NAA25: variants seen among roughly 807,000 people sequenced by gnomAD.
The protein encoded by NAA25 is N-terminal acetyltransferase B complex subunit NAA25.
A neutral mutation model predicts 132.5 loss-of-function variants in NAA25; 30 were observed. The observed-to-expected ratio is 0.23, with a 90% confidence interval of 0.17 to 0.31. The LOEUF (loss-of-function observed/expected upper bound fraction) is 0.31, where lower values mean the gene tolerates loss of function less well. Ranked by LOEUF, NAA25 falls within the 10% of genes least tolerant of loss-of-function variation. The pLI, the probability that NAA25 is intolerant of heterozygous loss-of-function variation, is 1.00. For synonymous variants in NAA25, 359 were observed against 401.9 expected (o/e 0.89, Z 1.28); for missense variants, 771 against 1,150.4 (o/e 0.67, Z 4.77).
rs2079162897 is a variant in NAA25 at position 112,093,250 on chromosome 12, A to G, written c.59-114T>C. 9 of 614,112 alleles carry G rather than the reference A, an allele frequency of 1.5e-5. No individual in the cohort carries two copies. In the Admixed American group the frequency reaches 2.1e-4, roughly 15 times the overall value. The allele number at this position is 614,112 out of a possible 1,614,324, so 38.0% of individuals were successfully genotyped here. A position where few individuals can be genotyped will look rare whatever the true frequency, so the allele number is the denominator to read the frequency against. Reference sequence around the variant, plus strand: ...AATATCTTAATTTGCTATATAAAACATCATGGAGGCCGGGCGTGGTGGCTT... The same window carrying G: ...AATATCTTAATTTGCTATATAAAACGTCATGGAGGCCGGGCGTGGTGGCTT... On this transcript the variant is annotated intron_variant, in intron 1 of 23. Transcript: ENST00000261745.
intron 1 of NAA25, among the ~76,000 whole-genome samples, chr12:112,102,967 C>T (rs917551682): frequency 6.6e-6 from 1 of 151,458 alleles, no homozygotes; most frequent in East Asian, 2.0e-4. Flanking sequence ...GGATTACAGG[C>T]GTGAGCCACT....
At chr12:112,043,505 C>A (rs924976583) in intron 18 of NAA25, 120 bp downstream of exon 18, 4 of 1,161,664 alleles carry the variant, frequency 3.4e-6, no homozygotes, top group Non-Finnish European at 4.8e-6. Context: ...CTTTCTCCTG[C>A]AGAAGCCATA....
chr12:112,029,484 T>C lies in NAA25; in HGVS notation c.*47A>G. The C allele has an allele frequency of 6.2e-7, 1 of 1,609,966 alleles. No homozygotes were observed. The highest frequency in any genetic ancestry group is 8.5e-7 in the Non-Finnish European group (1 of 1,177,836). ...ATGTTGCTTTTGCCTGGGAAGATGG[T>C]GTCATATTCTGTTGCAGAGTCATCA... On this transcript the variant is annotated 3_prime_UTR_variant, in exon 24 of 24. Coordinates refer to ENST00000261745, the MANE Select transcript of NAA25 (RefSeq NM_024953.4).
intron 23 of NAA25, among the ~76,000 whole-genome samples, chr12:112,030,525 A>G (rs962299992): frequency 1.3e-5 from 2 of 152,342 alleles, no homozygotes; most frequent in Admixed American, 6.5e-5. Context: ...CAAGAGACCA[A>G]CTATATATTC....
intron 4 of NAA25, among the ~76,000 whole-genome samples, chr12:112,084,021 T>C (rs1285722920): frequency 1.3e-5 from 2 of 152,244 alleles, no homozygotes; most frequent in Non-Finnish European, 2.9e-5. Flanking sequence ...AAAAATTTCA[T>C]GTCCATACCC....
chr12:112,035,487 AATC>A (rs2078212009), intron 22 of NAA25: 1 of 152,094 alleles, frequency 6.6e-6, no homozygotes. Context: ...TGATCAGTTA[AATC>A]ATCTTTGTCT....
rs2079116606 is a variant in NAA25, at chr12:112,090,730, G to A, written c.279C>T (p.His93=). Residue 93 remains histidine, a synonymous_variant, in exon 3 of 24, where the codon CAC becomes CAT. Transcript: ENST00000261745. ...QALTILYREM[H]RPELVTKLYE... is the part of the protein sequence containing the mutation. Reference sequence around the variant, plus strand: ...AATGAAAAGAAAGAAACATACGTCGGTGCATCTCCCGGTAAAGGATAGTCA... The same window carrying A: ...AATGAAAAGAAAGAAACATACGTCGATGCATCTCCCGGTAAAGGATAGTCA... 1 of 1,608,932 alleles carries A rather than the reference G, an allele frequency of 6.2e-7. No individual in the cohort carries two copies. The highest frequency in any genetic ancestry group is 1.1e-5 in the South Asian group (1 of 89,624).
At chr12:112,044,724 G>GAC (rs2078352959) in intron 17 of NAA25, among the ~76,000 whole-genome samples, 1 of 151,556 alleles carries the variant, frequency 6.6e-6, no homozygotes, top group Non-Finnish European at 1.5e-5. Flanking sequence ...CCTTATAAGT[G>GAC]ACACTTTGTT....
chr12:112,078,813 ATTGGGCACATAAT>A, intron 5 of NAA25, 72 bp from the exon 6 acceptor site: 16 of 1,180,490 alleles, frequency 1.4e-5, no homozygotes, highest in Non-Finnish European at 1.7e-5. Context: ...ATTACTGTTA[ATTGGGCACATAAT>A]TATCAATCCA....
At chr12:112,086,403 G>A (rs943263942) in intron 4 of NAA25, among the ~76,000 whole-genome samples, 2 of 151,814 alleles carry the variant, frequency 1.3e-5, no homozygotes, top group African/African-American at 4.8e-5. Flanking sequence ...GGCTGAGGCA[G>A]GAGAATCGCT....
chr12:112,068,101 T>C (rs746109377), intron 11 of NAA25, among the ~76,000 whole-genome samples: 6 of 152,074 alleles, frequency 3.9e-5, no homozygotes, highest in Non-Finnish European at 8.8e-5. Flanking sequence ...TGCAGCAGCA[T>C]GATTACAGCT....
chr12:112,108,695 G>T (rs375654598), intron 1 of NAA25, 21 bp downstream of exon 1: 3 of 1,458,582 alleles, frequency 2.1e-6, no homozygotes, highest in African/African-American at 2.9e-5. Flanking sequence ...GCTGGCGAGC[G>T]GGCTGGTCCA....
At chr12:112,069,561 C>T (rs2078771709) in intron 10 of NAA25, among the ~76,000 whole-genome samples, 2 of 152,066 alleles carry the variant, frequency 1.3e-5, no homozygotes, top group South Asian at 2.1e-4. Context: ...TGGCTCATGC[C>T]TGTAATCCCA....
intron 1 of NAA25, among the ~76,000 whole-genome samples, chr12:112,095,938 C>T (rs1461289346): frequency 1.3e-5 from 2 of 152,098 alleles, no homozygotes; most frequent in African/African-American, 4.8e-5. Context: ...CCAGAGAATA[C>T]ACAACACAAA....
At chr12:112,032,109 G>A (rs1372781107) in intron 23 of NAA25, among the ~76,000 whole-genome samples, 3 of 151,524 alleles carry the variant, frequency 2.0e-5, no homozygotes, top group Non-Finnish European at 4.4e-5. Flanking sequence ...GACTAGAGGC[G>A]CCCACCACCA....
Position 112,060,290 on chromosome 12 carries a change from A to C in NAA25, c.1427T>G (p.Ile476Ser). ...YYCLLAVHAL[I>S]DVWRETGDET... is the part of the protein sequence containing the mutation. ...CTTACCTGTTTCCCTCCATACATCAATAAGCGCATGGACAGCAAGGAGACA... is the reference window on the plus strand; with the variant it reads ...CTTACCTGTTTCCCTCCATACATCACTAAGCGCATGGACAGCAAGGAGACA... The change falls in exon 13 of 24, where the codon ATT becomes AGT. Residue 476 changes from isoleucine to serine, a missense_variant. Coordinates refer to ENST00000261745, the MANE Select transcript of NAA25 (RefSeq NM_024953.4). 6.2e-7 allele frequency: 1 copy of C among 1,612,790 alleles called. No individual in the cohort carries two copies. The highest frequency in any genetic ancestry group is 8.5e-7 in the Non-Finnish European group (1 of 1,179,270).
chr12:112,038,547 A>G (rs1037936063), intron 22 of NAA25, among the ~76,000 whole-genome samples: 3 of 152,196 alleles, frequency 2.0e-5, no homozygotes, highest in Non-Finnish European at 4.4e-5. Flanking sequence ...TGTCATATTA[A>G]TCTTTCAATT....
intron 4 of NAA25, 129 bp downstream of exon 4, chr12:112,087,554 C>T (rs1206265171): frequency 1.6e-6 from 1 of 643,092 alleles, no homozygotes; most frequent in East Asian, 2.7e-5. Flanking sequence ...AACTGACTGA[C>T]CTCCACACAG....
intron 10 of NAA25, among the ~76,000 whole-genome samples, chr12:112,071,031 G>A (rs2078798762): frequency 6.6e-6 from 1 of 152,178 alleles, no homozygotes; most frequent in Non-Finnish European, 1.5e-5. Context: ...ATAGGCATGA[G>A]CCACCACATC....
Sources: allele counts gnomAD v4.1 joint callset (sites outside exome capture counted in the v4.1 genomes callset), GRCh38; gene constraint gnomAD v4.1.1; transcripts MANE v1.5; gene names NCBI Gene and HGNC (gene_info 2026-07-23, HGNC 2026-07-21).